FAM227B: variants seen among roughly 807,000 people sequenced by gnomAD.
The protein encoded by FAM227B is family with sequence similarity 227 member B.
FAM227B carries 88 observed loss-of-function variants against 73.8 expected under a neutral mutation model. The observed-to-expected ratio is 1.19, with a 90% CI of 1.00 to 1.42. FAM227B has a LOEUF of 1.42. FAM227B is among the 40% of genes most tolerant of loss of function. The pLI, the probability that FAM227B is intolerant of heterozygous loss-of-function variation, is 0.00. For missense variants in FAM227B, 632 were observed against 590.9 expected (o/e 1.07, Z -0.72); for synonymous variants, 210 against 190.5 (o/e 1.10, Z -0.84).
At chr15:49,407,186 T>C (rs892531414) in intron 11 of FAM227B, among the ~76,000 whole-genome samples, 11 of 152,164 alleles carry the variant, frequency 7.2e-5, no homozygotes, top group Non-Finnish European at 1.5e-5. Context: ...TCAGCTGGCT[T>C]GCTGTCCCTA....
chr15:49,375,217 T>C (rs1233226529), intron 11 of FAM227B, among the ~76,000 whole-genome samples: 1 of 152,316 alleles, frequency 6.6e-6, no homozygotes, highest in African/African-American at 2.4e-5. Context: ...AACTATGAAG[T>C]GTATACTTAT....
rs190966743 is a variant in FAM227B, at chr15:49,364,100, G to T, written c.1271+3348C>A. Among the ~76,000 whole-genome samples the T allele has an allele frequency of 5.9e-5, 9 of 152,234 alleles. No homozygotes were observed. In the East Asian group the frequency reaches 1.7e-3, roughly 29 times the overall value. On this transcript the variant is annotated intron_variant, in intron 13 of 15. Coordinates refer to ENST00000299338, the MANE Select transcript of FAM227B (RefSeq NM_152647.3). The stretch of plus-strand genomic sequence containing the variant: ...TCTTTTTTTATTGTGTCTATGCCAG[G>T]TTTTGATATTAGGATGATGCTGGCC...
intron 10 of FAM227B, among the ~76,000 whole-genome samples, chr15:49,516,563 T>C (rs990136487): frequency 6.6e-6 from 1 of 152,028 alleles, no homozygotes; most frequent in Non-Finnish European, 1.5e-5. Context: ...TTTTTAGCTA[T>C]CTAAATCCTA....
intron 11 of FAM227B, among the ~76,000 whole-genome samples, chr15:49,422,145 A>AGAGAGAGTGTGTGT (rs757128514): frequency 7.2e-6 from 1 of 139,822 alleles, no homozygotes; most frequent in African/African-American, 2.5e-5. Context: ...AGAGAGAGAG[A>AGAGAGAGTGTGTGT]GTGTGTGTGT....
intron 11 of FAM227B, among the ~76,000 whole-genome samples, chr15:49,449,491 C>G (rs1224642701): frequency 6.6e-6 from 1 of 151,974 alleles, no homozygotes; most frequent in Non-Finnish European, 1.5e-5. Flanking sequence ...TCTAAGAATA[C>G]CACCTAAAAT....
At chr15:49,395,304 T>G (rs944092041) in intron 11 of FAM227B, among the ~76,000 whole-genome samples, 1 of 152,208 alleles carries the variant, frequency 6.6e-6, no homozygotes, top group African/African-American at 2.4e-5. Flanking sequence ...CACTTTTGCT[T>G]CTCAGTAAGA....
intron 11 of FAM227B, among the ~76,000 whole-genome samples, chr15:49,494,556 C>A (rs1037908668): frequency 3.3e-5 from 5 of 152,160 alleles, no homozygotes; most frequent in African/African-American, 1.2e-4. Context: ...GATACTGCTT[C>A]CCCTGCAATC....
intron 3 of FAM227B, among the ~76,000 whole-genome samples, chr15:49,605,377 C>A (rs181439552): frequency 6.6e-6 from 1 of 152,130 alleles, no homozygotes. Flanking sequence ...TTGGGTCCAC[C>A]GGAGTGGTCC....
chr15:49,569,436 C>T (rs187803530), intron 8 of FAM227B, among the ~76,000 whole-genome samples: 1 of 151,678 alleles, frequency 6.6e-6, no homozygotes. Context: ...TTTCCGGTTA[C>T]TTAATGTGTG....
At position 49,367,499 on chromosome 15, in the gene FAM227B, G is replaced by A; in HGVS notation, c.1220C>T (p.Ser407Phe). 6.2e-7 allele frequency: 1 copy of A among 1,604,136 alleles called. No homozygotes were observed. Among genetic ancestry groups the A allele is most frequent in the South Asian group, 1.1e-5 (1 of 88,412 alleles). Residue 407 changes from serine to phenylalanine, a missense_variant, in exon 13 of 16, where the codon TCC becomes TTC. By Grantham distance (155) the Ser-to-Phe change is radical. Transcript: ENST00000299338. ...YLKMHELAGI[S>F]KAPKKTKIKL... ...AATCTTGGTTTTCTTAGGTGCTTTG[G>A]AAATACCAGCCAGCTCATGCATCTT... is the stretch of plus-strand genomic sequence containing the variant.
chr15:49,599,880 T>A (rs2077085777), intron 3 of FAM227B, among the ~76,000 whole-genome samples: 1 of 152,188 alleles, frequency 6.6e-6, no homozygotes, highest in Non-Finnish European at 1.5e-5. Context: ...ATTTGCATTT[T>A]GTTGCTTTTG....
At chr15:49,396,348 G>A (rs748353717) in intron 11 of FAM227B, 185 of 317,354 alleles carry the variant, frequency 5.8e-4, no homozygotes, top group Non-Finnish European at 9.3e-4. Flanking sequence ...AGGGTCCTAC[G>A]CCCACGGAGT....
chr15:49,512,254 T>G (rs1247033326), intron 10 of FAM227B, among the ~76,000 whole-genome samples: 1 of 152,164 alleles, frequency 6.6e-6, no homozygotes, highest in Non-Finnish European at 1.5e-5. Context: ...ATTTGATTTT[T>G]GGCTGAATAT....
At chr15:49,591,360 A>ACGCC (rs1282113967) in intron 3 of FAM227B, among the ~76,000 whole-genome samples, 1 of 116,054 alleles carries the variant, frequency 8.6e-6, no homozygotes, top group African/African-American at 3.5e-5. Flanking sequence ...GTGAGCCACC[A>ACGCC]CACCCTCCCT....
At position 49,588,091 on chromosome 15, in the gene FAM227B, A is replaced by T. The variant is rs1249360410; in HGVS notation, c.338-8T>A. Reference sequence around the variant, plus strand: ...CCAATTTTCTATAAGAACCTTTAAGAAAATAAGAATTCACAGTATATATAT... The same window carrying T: ...CCAATTTTCTATAAGAACCTTTAAGTAAATAAGAATTCACAGTATATATAT... On this transcript the variant is annotated splice_polypyrimidine_tract_variant and splice_region_variant and intron_variant, in intron 4 of 15. Coordinates refer to ENST00000299338, the MANE Select transcript of FAM227B (RefSeq NM_152647.3). The T allele has an allele frequency of 1.4e-6, 2 of 1,397,654 alleles. No individual in the cohort carries two copies. 86.6% of individuals were successfully genotyped at this position (1,397,654 alleles called of 1,614,324 possible).
At chr15:49,529,242 A>G (rs1006842378) in intron 10 of FAM227B, among the ~76,000 whole-genome samples, 3 of 151,698 alleles carry the variant, frequency 2.0e-5, no homozygotes, top group Non-Finnish European at 3.0e-5. Context: ...CAAATACCAT[A>G]TATTCTCATA....
chr15:49,602,688 G>A (rs2077280431), intron 3 of FAM227B, among the ~76,000 whole-genome samples: 1 of 152,128 alleles, frequency 6.6e-6, no homozygotes, highest in Admixed American at 6.5e-5. Context: ...GGTTGCCTGT[G>A]CTTGTGGCAT....
At chr15:49,395,909 T>A (rs904719927) in intron 11 of FAM227B, 7 of 455,604 alleles carry the variant, frequency 1.5e-5, no homozygotes, top group Non-Finnish European at 3.1e-5. Context: ...TTCCAGGTTC[T>A]TAATTTAAGG....
In FAM227B at chr15:49,588,919, T is replaced by C. The variant is rs542276803; in HGVS notation, c.338-836A>G. Among the ~76,000 whole-genome samples the C allele has an allele frequency of 1.4e-4, 22 of 151,966 alleles. No homozygotes were observed. In the South Asian group the frequency reaches 4.2e-3, roughly 29 times the overall value. ...ACACAAATCTTAGTTCAAAAAAGAA[T>C]ATTAAATACCAAAATAACATAATGA... is the stretch of plus-strand genomic sequence containing the variant. On this transcript the variant is annotated intron_variant, in intron 4 of 15. Transcript: ENST00000299338.
Sources: gnomAD v4.1 joint callset for allele counts (sites outside exome capture counted in the v4.1 genomes callset) on GRCh38, gnomAD v4.1.1 for gene constraint, MANE v1.5 for transcripts, NCBI Gene and HGNC (gene_info 2026-07-23, HGNC 2026-07-21) for gene names.